SMC2: variants seen among roughly 807,000 people sequenced by gnomAD.
SMC2 encodes the protein structural maintenance of chromosomes 2.
Under a neutral mutation model 142.6 loss-of-function variants are expected in SMC2, and 41 were observed. The observed-to-expected ratio is 0.29, with a 90% CI of 0.22 to 0.37. The LOEUF (loss-of-function observed/expected upper bound fraction) is 0.37. Ranked by LOEUF, SMC2 falls within the 10% of genes least tolerant of loss-of-function variation. The probability of loss-of-function intolerance (pLI) is 1.00; values close to 1 mark genes in which losing one functional copy is unlikely to be tolerated. For synonymous variants in SMC2, 463 were observed against 457.5 expected, an observed-to-expected ratio of 1.01 and a Z score of -0.15; for missense variants, 1,265 against 1,373.7, an observed-to-expected ratio of 0.92 and a Z score of 1.25.
chr9:104,135,512 A>G (rs1315681120), intron 23 of SMC2, among the ~76,000 whole-genome samples: 1 of 152,150 alleles, frequency 6.6e-6, no homozygotes, highest in African/African-American at 2.4e-5. Flanking sequence ...AAAGAGAGGA[A>G]TACTTGAAGA....
chr9:104,098,676 T>G (rs748751115), intron 4 of SMC2, 108 bp downstream of exon 4: 55 of 1,136,806 alleles, frequency 4.8e-5, no homozygotes, highest in Non-Finnish European at 6.6e-5. Flanking sequence ...TACTTTTTAT[T>G]TACTATTGTG....
intron 17 of SMC2, among the ~76,000 whole-genome samples, chr9:104,124,230 G>A (rs1380240560): frequency 1.3e-5 from 2 of 152,128 alleles, no homozygotes; most frequent in Non-Finnish European, 2.9e-5. Flanking sequence ...GGGACTACAG[G>A]CGTGCATCAC....
rs762377635 is a variant in SMC2, at chr9:104,116,258, C to T, written c.1730C>T (p.Pro577Leu). Residue 577 changes from proline to leucine, a missense_variant, in exon 14 of 25, where the codon CCA becomes CTA. This residue lies in a region of SMC2 where 898 missense variants were observed against 904.2 expected (regional missense o/e 0.99). Coordinates refer to ENST00000374793, the MANE Select transcript of SMC2 (RefSeq NM_006444.3). ...CTGAAACGTCGATACACTATAATTC[C>T]ACTCAATAAAATTTCAGCCAGATGT... is the stretch of plus-strand genomic sequence containing the variant. ...GELKRRYTII[P>L]LNKISARCIA... 2.5e-6 allele frequency: 4 copies of T among 1,608,800 alleles called. No homozygotes were observed. Among genetic ancestry groups the T allele is most frequent in the Admixed American group, 1.7e-5 (1 of 59,098 alleles).
In SMC2 at chr9:104,109,416, A is replaced by G. The variant is rs145572835; in HGVS notation, c.1021-2165A>G. 3.8e-3 allele frequency among the ~76,000 whole-genome samples: 580 copies of G among 152,248 alleles called. 4 individuals carry two copies. Among genetic ancestry groups the G allele is most frequent in the African/African-American group, 0.012 (512 of 41,536 alleles). On this transcript the variant is annotated intron_variant, in intron 9 of 24. Coordinates refer to ENST00000374793, the MANE Select transcript of SMC2 (RefSeq NM_006444.3). ...AATACAGCCACTTTTTGTTACCTCCATTACTGCCAACCTCGTTCAAGCCAT... is the reference window on the plus strand; with the variant it reads ...AATACAGCCACTTTTTGTTACCTCCGTTACTGCCAACCTCGTTCAAGCCAT...
At chr9:104,129,920 G>A in intron 21 of SMC2, 75 bp downstream of exon 21, 3 of 1,061,284 alleles carry the variant, frequency 2.8e-6, no homozygotes, top group African/African-American at 1.6e-5. Flanking sequence ...GACCTCTGAT[G>A]CAATTATTAG....
At chr9:104,131,792 G>C (rs1304983170) in intron 21 of SMC2, among the ~76,000 whole-genome samples, 1 of 150,600 alleles carries the variant, frequency 6.6e-6, no homozygotes, top group East Asian at 2.0e-4. Context: ...TCCTAATTTT[G>C]TTAAGAGTGT....
chr9:104,116,344 T>C (rs1833111329), intron 14 of SMC2, 25 bp downstream of exon 14: 2 of 1,585,670 alleles, frequency 1.3e-6, no homozygotes, highest in Admixed American at 1.9e-5. Flanking sequence ...GTCTTATTTA[T>C]ATGTTTAATC....
At chr9:104,115,407 T>C (rs1405252927) in intron 13 of SMC2, among the ~76,000 whole-genome samples, 2 of 151,968 alleles carry the variant, frequency 1.3e-5, no homozygotes, top group African/African-American at 2.4e-5. Flanking sequence ...AAACCCCATC[T>C]CTACTGAAAA....
upstream of SMC2, among the ~76,000 whole-genome samples, chr9:104,089,274 T>C (rs1829959339): frequency 6.6e-6 from 1 of 152,110 alleles, no homozygotes; most frequent in African/African-American, 2.4e-5. Context: ...TAAGAGGTAG[T>C]GGAGATGTTA....
rs145779489 is a variant in SMC2 at position 104,101,980 on chromosome 9, G to A, written c.657G>A (p.Glu219=). Residue 219 remains glutamate, a synonymous_variant, in exon 8 of 25, where the codon GAG becomes GAA. Transcript: ENST00000374793. ...KLKEERSSYL[E]YQKVMREIEH... ...TTCAGGAAAGATCGTCCTACTTGGAGTACCAAAAAGTAATGAGAGAAATAG... is the reference window on the plus strand; with the variant it reads ...TTCAGGAAAGATCGTCCTACTTGGAATACCAAAAAGTAATGAGAGAAATAG... The A allele has an allele frequency of 1.3e-6, 2 of 1,598,022 alleles. No homozygotes were observed. Among genetic ancestry groups the A allele is most frequent in the Non-Finnish European group, 1.7e-6 (2 of 1,172,644 alleles).
At chr9:104,101,896 G>C (rs1831171830) in intron 7 of SMC2, 64 bp from the exon 8 acceptor site, 12 of 974,102 alleles carry the variant, frequency 1.2e-5, no homozygotes, top group Non-Finnish European at 1.9e-5. Flanking sequence ...GTTTCATCTT[G>C]CATAATTGAA....
chr9:104,099,541 A>G (rs1484433015), intron 4 of SMC2, 103 bp from the exon 5 acceptor site: 2 of 748,740 alleles, frequency 2.7e-6, no homozygotes, highest in Middle Eastern at 2.3e-4. Flanking sequence ...AAAGATTGGT[A>G]TATTGAGATA....
upstream of SMC2, among the ~76,000 whole-genome samples, chr9:104,093,801 G>A (rs1226578810): frequency 8.0e-6 from 1 of 124,664 alleles, no homozygotes; most frequent in Non-Finnish European, 1.7e-5. Context: ...GTCCCCCGAA[G>A]GACGGTGCCT....
chr9:104,135,709 C>G (rs1433585099), intron 23 of SMC2, among the ~76,000 whole-genome samples: 1 of 152,116 alleles, frequency 6.6e-6, no homozygotes, highest in East Asian at 1.9e-4. Context: ...ACATTATGTG[C>G]TAGTGAACAA....
At chr9:104,098,424 A>T (rs764348994) in intron 3 of SMC2, 22 bp from the exon 4 acceptor site, 35 of 1,556,426 alleles carry the variant, frequency 2.2e-5, no homozygotes, top group Middle Eastern at 1.8e-4. Context: ...ATTAATATTT[A>T]AAAAATTGCT....
chr9:104,127,075 C>A (rs1049045535), intron 19 of SMC2, among the ~76,000 whole-genome samples: 1 of 152,102 alleles, frequency 6.6e-6, no homozygotes, highest in African/African-American at 2.4e-5. Context: ...TACCTCCCAC[C>A]CCTTTTACCA....
intron 1 of SMC2, 47 bp downstream of exon 1, chr9:104,094,524 CT>C: frequency 3.7e-6 from 1 of 273,692 alleles, no homozygotes; most frequent in Non-Finnish European, 6.1e-6. Context: ...GCCAGACTTC[CT>C]GGCGGGAGGC....
rs1280074889 is a variant in SMC2, at chr9:104,140,552, AC to A, written c.*1238del. Reference sequence around the variant, plus strand: ...GCCGTACTTCCTGGCCCTGGGCTTGACATTTCCCACCCTTCATTCTCCATAC... The same window carrying A: ...GCCGTACTTCCTGGCCCTGGGCTTGAATTTCCCACCCTTCATTCTCCATAC... On this transcript the variant is annotated 3_prime_UTR_variant, in exon 25 of 25. Coordinates refer to ENST00000374793, the MANE Select transcript of SMC2 (RefSeq NM_006444.3). The A allele has an allele frequency of 6.6e-6, 1 of 152,560 alleles. No individual in the cohort carries two copies. Among genetic ancestry groups the A allele is most frequent in the Non-Finnish European group, 1.5e-5 (1 of 68,024 alleles). 9.5% of individuals were successfully genotyped at this position (152,560 alleles called of 1,614,324 possible). A position where few individuals can be genotyped will look rare whatever the true frequency, so the allele number is the denominator to read the frequency against.
In SMC2 at chr9:104,132,041, A is replaced by G; in HGVS notation, c.3024A>G (p.Val1008=). 1.3e-6 allele frequency: 2 copies of G among 1,591,200 alleles called. No homozygotes were observed. The highest frequency in any genetic ancestry group is 8.6e-7 in the Non-Finnish European group (1 of 1,164,990). Reference sequence around the variant, plus strand: ...ACTTGATGAAGAAGAAGAGAATTGTAGAAAATGACAAATCCAAAATTCTTA... The same window carrying G: ...ACTTGATGAAGAAGAAGAGAATTGTGGAAAATGACAAATCCAAAATTCTTA... ...YNDLMKKKRI[V]ENDKSKILTT... is the part of the protein sequence containing the mutation. The change falls in exon 22 of 25, where the codon GTA becomes GTG. Residue 1008 remains valine (V), a synonymous_variant. Transcript: ENST00000374793.
Sources: allele counts gnomAD v4.1 joint callset (sites outside exome capture counted in the v4.1 genomes callset), GRCh38; gene constraint gnomAD v4.1.1; regional missense constraint gnomAD v4.1.1; transcripts MANE v1.5; gene names NCBI Gene and HGNC (gene_info 2026-07-23, HGNC 2026-07-21).